Variants in ZMAT4 observed in about 807,000 individuals in gnomAD.
ZMAT4 encodes zinc finger matrin-type protein 4.
In ZMAT4, 17 loss-of-function variants were observed where a neutral mutation model predicts 28.7. The ratio of observed to expected loss-of-function variants is 0.59; its 90% CI spans 0.41 to 0.89. ZMAT4 has a LOEUF of 0.89. ZMAT4 is among the 40% of genes least tolerant of loss of function. The pLI, the probability that ZMAT4 is intolerant of heterozygous loss-of-function variation, is 0.00. For synonymous variants in ZMAT4, 117 were observed against 109.2 expected, an observed-to-expected ratio of 1.07 and a Z score of -0.44; for missense variants, 240 against 283.8, an observed-to-expected ratio of 0.85 and a Z score of 1.11.
chr8:40,674,773 T>G lies in ZMAT4; in HGVS notation c.508A>C (p.Lys170Gln). The G allele has an allele frequency of 1.2e-6, 2 of 1,614,046 alleles. No homozygotes were observed. Among genetic ancestry groups the G allele is most frequent in the South Asian group, 1.1e-5 (1 of 91,086 alleles). ...AAAGCAACTCTTGCCGCATTCTTTT[T>G]GTGTTTCTTGCCATCATAATGTTGC... is the stretch of plus-strand genomic sequence containing the variant. ...AQQHYDGKKH[K>Q]KNAARVALLE... is the part of the protein sequence containing the mutation. Residue 170 changes from lysine (K) to glutamine (Q), a missense_variant, in exon 5 of 7, where the codon AAA becomes CAA. Physicochemically the swap from Lys to Gln is moderately conservative, Grantham distance 53. Transcript: ENST00000297737.
intron 5 of ZMAT4, among the ~76,000 whole-genome samples, chr8:40,586,887 C>A (rs1804686591): frequency 6.6e-6 from 1 of 151,752 alleles, no homozygotes; most frequent in African/African-American, 2.4e-5. Context: ...AAGTGTTGCA[C>A]AGTATATAAG....
At chr8:40,700,928 C>T (rs1275484774) in intron 3 of ZMAT4, among the ~76,000 whole-genome samples, 1 of 152,162 alleles carries the variant, frequency 6.6e-6, no homozygotes, top group African/African-American at 2.4e-5. Context: ...CACCTAGCAC[C>T]ACATTTACCA....
intron 5 of ZMAT4, among the ~76,000 whole-genome samples, chr8:40,626,035 G>A (rs578081746): frequency 6.6e-5 from 10 of 151,222 alleles, no homozygotes; most frequent in African/African-American, 1.2e-4. Context: ...GTTTGAACCC[G>A]GGAGGTGGAG....
At chr8:40,603,391 T>A (rs1805464309) in intron 5 of ZMAT4, among the ~76,000 whole-genome samples, 1 of 152,228 alleles carries the variant, frequency 6.6e-6, no homozygotes, top group Non-Finnish European at 1.5e-5. Context: ...TGCTTAGTCT[T>A]GCTTTGGCTA....
At chr8:40,756,841 A>G (rs1395931326) in intron 3 of ZMAT4, among the ~76,000 whole-genome samples, 1 of 152,152 alleles carries the variant, frequency 6.6e-6, no homozygotes, top group Non-Finnish European at 1.5e-5. Flanking sequence ...TTCTGTTAAA[A>G]GACACATTAT....
At chr8:40,878,297 C>G (rs1818107630) in intron 1 of ZMAT4, among the ~76,000 whole-genome samples, 1 of 152,168 alleles carries the variant, frequency 6.6e-6, no homozygotes, top group Non-Finnish European at 1.5e-5. Flanking sequence ...GTGGCTCCCC[C>G]TCCTTGCCCC....
intron 3 of ZMAT4, among the ~76,000 whole-genome samples, chr8:40,699,618 A>ACACACACT (rs1317074605): frequency 1.3e-5 from 2 of 151,888 alleles, no homozygotes; most frequent in Non-Finnish European, 1.5e-5. Flanking sequence ...ACACACACAC[A>ACACACACT]CACCATGGAA....
chr8:40,534,945 A>C (rs927204691), intron 6 of ZMAT4, among the ~76,000 whole-genome samples: 3 of 152,080 alleles, frequency 2.0e-5, no homozygotes, highest in African/African-American at 7.2e-5. Context: ...AGCCTCCCAA[A>C]GCGCTGGGAT....
At chr8:40,821,146 CT>C (rs1295357311) in intron 2 of ZMAT4, among the ~76,000 whole-genome samples, 4 of 151,916 alleles carry the variant, frequency 2.6e-5, no homozygotes, top group African/African-American at 7.3e-5. Flanking sequence ...CTGCCCTGTA[CT>C]TTTTTCTTTT....
rs1156969649 is a variant in ZMAT4, at chr8:40,599,860, G to T, written c.578-18599C>A. Among the ~76,000 whole-genome samples, 5 of 152,290 alleles carry T rather than the reference G, an allele frequency of 3.3e-5. No individual in the cohort carries two copies. In the East Asian group the frequency reaches 7.8e-4, roughly 24 times the overall value. ...CAGTGAGTCCTCGGTCCCAGCACCGGTCCCTTCTGTTATCTTTCCTTACCA... is the reference window on the plus strand; with the variant it reads ...CAGTGAGTCCTCGGTCCCAGCACCGTTCCCTTCTGTTATCTTTCCTTACCA... On this transcript the variant is annotated intron_variant, in intron 5 of 6. Transcript: ENST00000297737.
At chr8:40,656,480 A>G (rs1051715128) in intron 5 of ZMAT4, among the ~76,000 whole-genome samples, 14 of 152,162 alleles carry the variant, frequency 9.2e-5, no homozygotes, top group Admixed American at 9.2e-4. Context: ...TATCCACACA[A>G]AAACTTTTCC....
intron 3 of ZMAT4, among the ~76,000 whole-genome samples, chr8:40,761,444 C>T (rs865927678): frequency 7.9e-5 from 12 of 152,078 alleles, no homozygotes; most frequent in Non-Finnish European, 8.8e-5. Context: ...ACAGGCGCCC[C>T]GTCATGGTAC....
intron 5 of ZMAT4, among the ~76,000 whole-genome samples, chr8:40,672,073 A>C (rs767312983): frequency 2.6e-5 from 4 of 152,328 alleles, no homozygotes; most frequent in Middle Eastern, 3.4e-3. Context: ...AATAATCTAT[A>C]AAGTAAGTAG....
intron 2 of ZMAT4, among the ~76,000 whole-genome samples, chr8:40,773,834 A>G (rs763349875): frequency 6.6e-6 from 1 of 152,146 alleles, no homozygotes; most frequent in Non-Finnish European, 1.5e-5. Context: ...TAGAATGCTT[A>G]GAATAAAAAG....
intron 3 of ZMAT4, among the ~76,000 whole-genome samples, chr8:40,741,351 G>A (rs891272967): frequency 2.0e-5 from 3 of 151,672 alleles, no homozygotes; most frequent in Non-Finnish European, 2.9e-5. Flanking sequence ...GGAGGCTGAG[G>A]TAGGAGAATC....
intron 6 of ZMAT4, among the ~76,000 whole-genome samples, chr8:40,553,714 T>C (rs1803437817): frequency 6.6e-6 from 1 of 152,166 alleles, no homozygotes; most frequent in African/African-American, 2.4e-5. Flanking sequence ...AGATAATGAA[T>C]GATATGGATG....
intron 6 of ZMAT4, among the ~76,000 whole-genome samples, chr8:40,548,156 A>T (rs1231461706): frequency 6.6e-6 from 1 of 152,196 alleles, no homozygotes; most frequent in Non-Finnish European, 1.5e-5. Context: ...TCAAACATTT[A>T]GGTGTAGGAA....
At chr8:40,689,043 A>G (rs569535399) in intron 4 of ZMAT4, among the ~76,000 whole-genome samples, 3 of 152,376 alleles carry the variant, frequency 2.0e-5, no homozygotes, top group African/African-American at 4.8e-5. Context: ...TAGAGACCGG[A>G]GCAGCTTAAA....
chr8:40,548,215 T>C (rs866264955), intron 6 of ZMAT4, among the ~76,000 whole-genome samples: 14 of 152,240 alleles, frequency 9.2e-5, no homozygotes, highest in Middle Eastern at 3.4e-3. Context: ...CTGAACAAGA[T>C]GGAAAACCAT....
Sources: allele counts gnomAD v4.1 joint callset (sites outside exome capture counted in the v4.1 genomes callset), GRCh38; gene constraint gnomAD v4.1.1; transcripts MANE v1.5; gene names NCBI Gene and HGNC (gene_info 2026-07-23, HGNC 2026-07-21).